The following ADARB2 variants were observed in gnomAD, a reference collection of about 807,000 sequenced individuals.
The protein encoded by ADARB2 is inactive double-stranded RNA-specific editase B2.
A neutral mutation model predicts 62.2 loss-of-function variants in ADARB2; 25 were observed. The ratio of observed to expected loss-of-function variants is 0.40; its 90% CI spans 0.29 to 0.56. ADARB2 has a LOEUF of 0.56. Ranked by LOEUF, ADARB2 falls within the 20% of genes least tolerant of loss-of-function variation. The probability of loss-of-function intolerance (pLI) is 0.43; values close to 1 mark genes in which losing one functional copy is unlikely to be tolerated. For missense variants in ADARB2, 1,071 were observed against 1,077.4 expected, an observed-to-expected ratio of 0.99 and a Z score of 0.08; for synonymous variants, 572 against 500.8, an observed-to-expected ratio of 1.14 and a Z score of -1.90.
At chr10:1,229,728 T>TA (rs1830784027) in intron 6 of ADARB2, among the ~76,000 whole-genome samples, 2 of 21,642 alleles carry the variant, frequency 9.2e-5, no homozygotes, top group African/African-American at 6.1e-4. Flanking sequence ...ATGTGTGCAC[T>TA]TGTGCTTGTT....
chr10:1,546,618 C>A (rs1832524391), intron 1 of ADARB2, among the ~76,000 whole-genome samples: 1 of 152,218 alleles, frequency 6.6e-6, no homozygotes, highest in Non-Finnish European at 1.5e-5. Flanking sequence ...AGAGTGCCAC[C>A]CTGTACCAGG....
At chr10:1,510,637 T>C (rs573882056) in intron 1 of ADARB2, among the ~76,000 whole-genome samples, 2 of 152,346 alleles carry the variant, frequency 1.3e-5, no homozygotes, top group East Asian at 1.9e-4. Context: ...TCTGGAGACC[T>C]TGGAGATGAA....
At chr10:1,348,441 C>A (rs1589200267) in intron 3 of ADARB2, among the ~76,000 whole-genome samples, 2 of 152,174 alleles carry the variant, frequency 1.3e-5, no homozygotes, top group South Asian at 4.1e-4. Flanking sequence ...GAGCCTGTGA[C>A]TCTTGCCAGC....
intron 1 of ADARB2, among the ~76,000 whole-genome samples, chr10:1,653,998 GC>G (rs1415515346): frequency 6.6e-6 from 1 of 152,048 alleles, no homozygotes; most frequent in African/African-American, 2.4e-5. Flanking sequence ...CCCCACAGCT[GC>G]CCCGGGGGTC....
At chr10:1,186,576 T>C (rs559373265) in intron 8 of ADARB2, 24 of 518,910 alleles carry the variant, frequency 4.6e-5, no homozygotes, top group African/African-American at 3.8e-4. Flanking sequence ...CAGCTCTGCC[T>C]CTCCAGCCCT....
chr10:1,461,650 G>A (rs1188339690), intron 1 of ADARB2, among the ~76,000 whole-genome samples: 1 of 149,310 alleles, frequency 6.7e-6, no homozygotes, highest in African/African-American at 2.5e-5. Context: ...GCTGCCAGGT[G>A]AGTTTCTTAA....
chr10:1,656,772 T>A (rs1339455833), intron 1 of ADARB2, among the ~76,000 whole-genome samples: 1 of 152,222 alleles, frequency 6.6e-6, no homozygotes, highest in African/African-American at 2.4e-5. Context: ...TTAATCTTTT[T>A]TTAATGTGCC....
At chr10:1,682,285 G>A (rs1834547555) in intron 1 of ADARB2, among the ~76,000 whole-genome samples, 1 of 152,186 alleles carries the variant, frequency 6.6e-6, no homozygotes, top group South Asian at 2.1e-4. Context: ...TGCAAAGGAA[G>A]GACCAGTGTC....
chr10:1,652,051 C>T (rs1035861929), intron 1 of ADARB2, among the ~76,000 whole-genome samples: 10 of 152,240 alleles, frequency 6.6e-5, no homozygotes, highest in African/African-American at 2.4e-4. Flanking sequence ...GCGCCTTTCT[C>T]TTTGTGATTA....
At chr10:1,188,735 G>A (rs1456829421) in intron 8 of ADARB2, among the ~76,000 whole-genome samples, 1 of 152,130 alleles carries the variant, frequency 6.6e-6, no homozygotes, top group Non-Finnish European at 1.5e-5. Flanking sequence ...TCATGCCCGT[G>A]GAGCGGGAAC....
intron 1 of ADARB2, among the ~76,000 whole-genome samples, chr10:1,499,966 A>C (rs549889713): frequency 6.6e-6 from 1 of 152,252 alleles, no homozygotes; most frequent in African/African-American, 2.4e-5. Flanking sequence ...CTACATGAAG[A>C]AGTGATTTTG....
intron 1 of ADARB2, among the ~76,000 whole-genome samples, chr10:1,496,247 A>C (rs1055383170): frequency 6.6e-6 from 1 of 152,032 alleles, no homozygotes; most frequent in Non-Finnish European, 1.5e-5. Context: ...TATCACCATC[A>C]TCATTGTCAT....
Position 1,182,922 on chromosome 10 carries a change from C to T in ADARB2, c.*271G>A. 2.4e-6 allele frequency: 1 copy of T among 408,624 alleles called. No individual in the cohort carries two copies. The highest frequency in any genetic ancestry group is 3.4e-5 in the South Asian group (1 of 29,036). The allele number at this position is 408,624 out of a possible 1,614,324, so 25.3% of individuals were successfully genotyped here. A position where few individuals can be genotyped will look rare whatever the true frequency, so the allele number is the denominator to read the frequency against. ...CTAAAACCCCTTTGCCTGAATGGAGCCCCTCCCTCAGACTCCACAGGAAGA... is the reference window on the plus strand; with the variant it reads ...CTAAAACCCCTTTGCCTGAATGGAGTCCCTCCCTCAGACTCCACAGGAAGA... On this transcript the variant is annotated 3_prime_UTR_variant, in exon 10 of 10. Transcript: ENST00000381312.
Position 1,704,766 on chromosome 10 carries a change from C to G in ADARB2, c.100+32285G>C, listed in dbSNP as rs900680663. ...TAGGGTCTCAGAGAGCCTGGAAGCA[C>G]AGAATGATAAAAAAGCTAGTGTGGG... On this transcript the variant is annotated intron_variant, in intron 1 of 9. Coordinates refer to ENST00000381312, the MANE Select transcript of ADARB2 (RefSeq NM_018702.4). This position sits in a 1 kb window ranked among gnomAD's most constrained non-coding sequence, Gnocchi z 5.6. Among the ~76,000 whole-genome samples the G allele has an allele frequency of 1.2e-4, 19 of 152,130 alleles. No homozygotes were observed. Among genetic ancestry groups the G allele is most frequent in the African/African-American group, 4.6e-4 (19 of 41,398 alleles).
intron 1 of ADARB2, among the ~76,000 whole-genome samples, chr10:1,627,686 G>A (rs957463268): frequency 9.8e-5 from 15 of 152,322 alleles, no homozygotes; most frequent in Admixed American, 7.2e-4. Flanking sequence ...GATTACACTA[G>A]AAAGAGACAT....
At chr10:1,608,774 G>GAGAAAGAAAGAA (rs72347975) in intron 1 of ADARB2, among the ~76,000 whole-genome samples, 211 of 139,532 alleles carry the variant, frequency 1.5e-3, no homozygotes, top group East Asian at 9.2e-3. Flanking sequence ...GAAAGAGAAA[G>GAGAAAGAAAGAA]AGAAAGAAAG....
chr10:1,448,780 C>G (rs1831000905), intron 1 of ADARB2, among the ~76,000 whole-genome samples: 1 of 152,146 alleles, frequency 6.6e-6, no homozygotes, highest in African/African-American at 2.4e-5. Context: ...CAACAGCTTT[C>G]CTTTGTCGAC....
chr10:1,676,530 T>C (rs1441491243), intron 1 of ADARB2, among the ~76,000 whole-genome samples: 2 of 152,186 alleles, frequency 1.3e-5, no homozygotes, highest in African/African-American at 2.4e-5. Context: ...ATTTTCCCCC[T>C]TCATTTTTAT....
intron 1 of ADARB2, among the ~76,000 whole-genome samples, chr10:1,484,897 G>T (rs987742034): frequency 6.6e-6 from 1 of 152,148 alleles, no homozygotes; most frequent in African/African-American, 2.4e-5. Flanking sequence ...TGGATTTGTA[G>T]GTGCACTTGT....
Sources: allele counts gnomAD v4.1 joint callset (sites outside exome capture counted in the v4.1 genomes callset), GRCh38; gene constraint gnomAD v4.1.1; non-coding constraint Gnocchi (gnomAD v3.1); transcripts MANE v1.5; gene names NCBI Gene and HGNC (gene_info 2026-07-23, HGNC 2026-07-21).